Variants in SLIT3 observed in about 807,000 individuals in gnomAD.
The protein encoded by SLIT3 is slit guidance ligand 3.
A neutral mutation model predicts 184.0 loss-of-function variants in SLIT3; 68 were observed. That is an observed-to-expected ratio of 0.37 (90% CI 0.30 to 0.45). The LOEUF (loss-of-function observed/expected upper bound fraction) is 0.45, where lower values mean the gene tolerates loss of function less well. Among genes scored for constraint, SLIT3 ranks in the 20% least tolerant of loss-of-function variants. SLIT3 has a pLI of 1.00. For synonymous variants in SLIT3, 831 were observed against 828.6 expected (o/e 1.00, Z -0.05); for missense variants, 1,707 against 2,026.0 (o/e 0.84, Z 3.02).
At chr5:169,204,474 A>T (rs1764002351) in intron 3 of SLIT3, among the ~76,000 whole-genome samples, 2 of 152,218 alleles carry the variant, frequency 1.3e-5, no homozygotes, top group African/African-American at 4.8e-5. Context: ...TTTAAGATGG[A>T]GGAAATCGTG....
chr5:168,810,573 C>T (rs1467537290), intron 8 of SLIT3, among the ~76,000 whole-genome samples: 1 of 152,222 alleles, frequency 6.6e-6, no homozygotes, highest in East Asian at 1.9e-4. Flanking sequence ...GAAAAGGGGG[C>T]TGAGGATGTG....
At chr5:169,028,983 G>C (rs982838612) in intron 4 of SLIT3, among the ~76,000 whole-genome samples, 5 of 152,210 alleles carry the variant, frequency 3.3e-5, no homozygotes, top group Non-Finnish European at 7.3e-5. Flanking sequence ...CTGGAGGTGT[G>C]TGATGGCTGT....
intron 21 of SLIT3, among the ~76,000 whole-genome samples, chr5:168,723,717 G>A (rs2113373890): frequency 6.6e-6 from 1 of 152,326 alleles, no homozygotes; most frequent in South Asian, 2.1e-4. Context: ...CTTCCCTGCG[G>A]GGATAAACAT....
At chr5:168,853,724 G>A (rs890059199) in intron 5 of SLIT3, among the ~76,000 whole-genome samples, 2 of 152,206 alleles carry the variant, frequency 1.3e-5, no homozygotes, top group African/African-American at 2.4e-5. Flanking sequence ...CACGATGACT[G>A]TAAGAGATGC....
At chr5:168,905,008 A>C (rs955156366) in intron 4 of SLIT3, among the ~76,000 whole-genome samples, 1 of 151,994 alleles carries the variant, frequency 6.6e-6, no homozygotes, top group Non-Finnish European at 1.5e-5. Context: ...CTCTACTAAA[A>C]TAAAAATAAA....
intron 4 of SLIT3, among the ~76,000 whole-genome samples, chr5:168,884,424 C>G (rs1760092719): frequency 4.5e-5 from 1 of 22,396 alleles, no homozygotes; most frequent in Non-Finnish European, 1.4e-4. Context: ...CTCTCTCTCT[C>G]TCTCACACAC....
chr5:169,159,504 G>A (rs560730336), intron 4 of SLIT3, among the ~76,000 whole-genome samples: 55 of 138,328 alleles, frequency 4.0e-4, no homozygotes, highest in African/African-American at 1.0e-3. Context: ...GGCCAGGCGC[G>A]GTAGCTCACG....
intron 12 of SLIT3, among the ~76,000 whole-genome samples, chr5:168,781,655 G>A (rs1001251777): frequency 4.6e-5 from 7 of 152,134 alleles, no homozygotes; most frequent in African/African-American, 1.2e-4. Flanking sequence ...ACACAGAGCC[G>A]TGAATTATGC....
chr5:169,287,216 G>C (rs1767178863), intron 1 of SLIT3, among the ~76,000 whole-genome samples: 2 of 152,272 alleles, frequency 1.3e-5, no homozygotes, highest in South Asian at 4.1e-4. Flanking sequence ...CTCCAGTCCT[G>C]GTTCCCAGTG....
intron 4 of SLIT3, among the ~76,000 whole-genome samples, chr5:168,966,796 T>C (rs752067864): frequency 1.3e-5 from 2 of 152,186 alleles, no homozygotes; most frequent in Non-Finnish European, 2.9e-5. Flanking sequence ...TACCATTTTG[T>C]TAAATGATGA....
chr5:168,858,884 G>A (rs988908620), intron 5 of SLIT3, among the ~76,000 whole-genome samples: 23 of 152,222 alleles, frequency 1.5e-4, no homozygotes, highest in South Asian at 6.2e-4. Context: ...GCCCCTGGGC[G>A]GGCTGGGTGC....
intron 2 of SLIT3, among the ~76,000 whole-genome samples, chr5:169,250,294 T>C (rs1368549195): frequency 6.6e-6 from 1 of 152,154 alleles, no homozygotes; most frequent in Non-Finnish European, 1.5e-5. Context: ...CAATCAGAAA[T>C]GGCAAACAAT....
At chr5:169,214,337 G>A (rs1413648677) in intron 3 of SLIT3, among the ~76,000 whole-genome samples, 1 of 152,216 alleles carries the variant, frequency 6.6e-6, no homozygotes, top group Non-Finnish European at 1.5e-5. Context: ...AGAAAGCACT[G>A]TGTGAGGCAG....
intron 27 of SLIT3, among the ~76,000 whole-genome samples, chr5:168,697,502 C>T (rs935840685): frequency 1.2e-4 from 19 of 152,098 alleles, no homozygotes; most frequent in Admixed American, 9.8e-4. Context: ...TTGGCCTAAC[C>T]CGTTTGTCAG....
intron 5 of SLIT3, among the ~76,000 whole-genome samples, chr5:168,845,368 A>G (rs984181934): frequency 6.6e-6 from 1 of 152,216 alleles, no homozygotes; most frequent in African/African-American, 2.4e-5. Flanking sequence ...CATCATCAAC[A>G]TTAAAGAAAT....
At chr5:169,157,703 G>C (rs1762356246) in intron 4 of SLIT3, among the ~76,000 whole-genome samples, 1 of 152,120 alleles carries the variant, frequency 6.6e-6, no homozygotes. Flanking sequence ...ACTTATATGA[G>C]AAATGACAAT....
intron 32 of SLIT3, among the ~76,000 whole-genome samples, chr5:168,683,068 C>T (rs1761637168): frequency 6.6e-6 from 1 of 151,956 alleles, no homozygotes; most frequent in African/African-American, 2.4e-5. Flanking sequence ...CAGCTATATG[C>T]AAAAAGTGAG....
intron 4 of SLIT3, among the ~76,000 whole-genome samples, chr5:169,087,242 AG>A (rs1471882597): frequency 6.6e-6 from 1 of 152,190 alleles, no homozygotes; most frequent in African/African-American, 2.4e-5. Flanking sequence ...GCAGGGGAGG[AG>A]AAAACAGAGT....
intron 4 of SLIT3, among the ~76,000 whole-genome samples, chr5:169,106,053 G>A (rs1760195812): frequency 6.9e-6 from 1 of 144,454 alleles, no homozygotes; most frequent in Admixed American, 6.9e-5. Flanking sequence ...GCCTGTTGGG[G>A]GGGCAGGGGG....
Sources: allele counts gnomAD v4.1 joint callset (sites outside exome capture counted in the v4.1 genomes callset), GRCh38; gene constraint gnomAD v4.1.1; transcripts MANE v1.5; gene names NCBI Gene and HGNC (gene_info 2026-07-23, HGNC 2026-07-21).